The following PCDH15 variants were observed in gnomAD, a reference collection of about 807,000 sequenced individuals.
PCDH15 encodes protocadherin related 15, also known as protocadherin-15.
Under a neutral mutation model 178.5 loss-of-function variants are expected in PCDH15, and 129 were observed. That is an observed-to-expected ratio of 0.72 (90% confidence interval 0.63 to 0.84). The LOEUF is 0.84. Among genes scored for constraint, PCDH15 ranks in the 40% least tolerant of loss-of-function variants. The pLI, the probability that PCDH15 is intolerant of heterozygous loss-of-function variation, is 0.00. For missense variants in PCDH15, 2,230 were observed against 2,099.9 expected (o/e 1.06, Z -1.21); for synonymous variants, 800 against 732.0 (o/e 1.09, Z -1.50).
chr10:54,663,817 T>C (rs2094528899), intron 2 of PCDH15, among the ~76,000 whole-genome samples: 1 of 151,926 alleles, frequency 6.6e-6, no homozygotes, highest in Non-Finnish European at 1.5e-5. Flanking sequence ...TTTGTATTTC[T>C]AGCTTTGTTT....
chr10:54,014,211 G>C (rs1589915613), intron 20 of PCDH15, among the ~76,000 whole-genome samples: 1 of 152,136 alleles, frequency 6.6e-6, no homozygotes, highest in East Asian at 1.9e-4. Context: ...TCCCAAGTTT[G>C]TGTTAAAAAG....
At chr10:55,334,369 G>A (rs943697313) in intron 2 of PCDH15, among the ~76,000 whole-genome samples, 7 of 148,562 alleles carry the variant, frequency 4.7e-5, no homozygotes, top group East Asian at 2.0e-4. Flanking sequence ...GTGCAATGGC[G>A]TGATCTCGGC....
intron 15 of PCDH15, among the ~76,000 whole-genome samples, chr10:54,126,266 T>G (rs1254084788): frequency 6.6e-6 from 1 of 152,022 alleles, no homozygotes; most frequent in East Asian, 1.9e-4. Flanking sequence ...AGACAGGGAT[T>G]CACCATATTG....
chr10:55,203,448 A>G (rs1192679717), intron 1 of PCDH15, among the ~76,000 whole-genome samples: 1 of 152,044 alleles, frequency 6.6e-6, no homozygotes, highest in East Asian at 1.9e-4. Context: ...TTAAAGATAA[A>G]GGAAATGAAA....
At chr10:54,297,138 G>A (rs578150218) in intron 8 of PCDH15, among the ~76,000 whole-genome samples, 1 of 152,206 alleles carries the variant, frequency 6.6e-6, no homozygotes, top group East Asian at 1.9e-4. Flanking sequence ...GATCAGCAGG[G>A]TCCAGGGGCC....
At chr10:55,103,126 T>TC (rs959430638) in intron 2 of PCDH15, among the ~76,000 whole-genome samples, 2 of 150,700 alleles carry the variant, frequency 1.3e-5, no homozygotes, top group African/African-American at 4.9e-5. Flanking sequence ...TTTTTTTTTT[T>TC]GCTTTTCCAT....
chr10:55,442,392 G>C (rs1030384606), intron 2 of PCDH15, among the ~76,000 whole-genome samples: 2 of 144,980 alleles, frequency 1.4e-5, no homozygotes, highest in East Asian at 4.1e-4. Context: ...TACCAAAAAG[G>C]CAATGTTTAT....
chr10:54,809,135 C>A (rs575663028), intron 3 of PCDH15, among the ~76,000 whole-genome samples: 1 of 152,160 alleles, frequency 6.6e-6, no homozygotes, highest in East Asian at 1.9e-4. Flanking sequence ...AATTACTTAA[C>A]CATAGGGTAT....
chr10:54,351,707 G>A (rs1175960718), intron 5 of PCDH15, among the ~76,000 whole-genome samples: 10 of 152,080 alleles, frequency 6.6e-5, no homozygotes, highest in Admixed American at 6.5e-4. Flanking sequence ...CTGTTCAATT[G>A]CAACAGGATG....
intron 1 of PCDH15, among the ~76,000 whole-genome samples, chr10:54,769,321 C>CT (rs35099531): frequency 0.31 from 44,393 of 143,944 alleles, 6,867 homozygotes; most frequent in Middle Eastern, 0.35. Context: ...TACGCAATGC[C>CT]TTTTTTTTTT....
intron 2 of PCDH15, among the ~76,000 whole-genome samples, chr10:54,579,782 T>C (rs182404085): frequency 3.9e-5 from 6 of 151,934 alleles, no homozygotes; most frequent in African/African-American, 1.2e-4. Flanking sequence ...TCAACCATAC[T>C]CTTGAACCAC....
At chr10:54,406,320 G>GAAATAAAT (rs1163876926) in intron 3 of PCDH15, among the ~76,000 whole-genome samples, 1 of 151,408 alleles carries the variant, frequency 6.6e-6, no homozygotes, top group South Asian at 2.1e-4. Context: ...AAAAGCCACA[G>GAAATAAAT]AAATAAATAA....
At chr10:55,002,250 A>G (rs1839811333) in intron 2 of PCDH15, among the ~76,000 whole-genome samples, 1 of 152,240 alleles carries the variant, frequency 6.6e-6, no homozygotes, top group Non-Finnish European at 1.5e-5. Context: ...ATAGCTTAAA[A>G]GAAAATATTG....
intron 1 of PCDH15, among the ~76,000 whole-genome samples, chr10:54,712,168 C>T (rs1272497852): frequency 6.6e-6 from 1 of 151,700 alleles, no homozygotes; most frequent in Admixed American, 6.6e-5. Context: ...TTTTCCTTTA[C>T]TTAATCTTCA....
rs368023769 is a variant in PCDH15 at position 54,453,174 on chromosome 10, C to T, written c.158-74232G>A. Reference sequence around the variant, plus strand: ...TACTGGGTATATACCCAAAGGATTACAAAACATGCTGCTATAAAGACACAT... The same window carrying T: ...TACTGGGTATATACCCAAAGGATTATAAAACATGCTGCTATAAAGACACAT... On this transcript the variant is annotated intron_variant, in intron 3 of 37. Transcript: ENST00000644397. 6.5e-3 allele frequency among the ~76,000 whole-genome samples: 993 copies of T among 152,136 alleles called. 15 individuals are homozygous for T. The highest frequency in any genetic ancestry group is 0.023 in the African/African-American group (941 of 41,512).
chr10:53,958,535 A>G (rs1337589507), intron 23 of PCDH15, among the ~76,000 whole-genome samples: 1 of 152,110 alleles, frequency 6.6e-6, no homozygotes, highest in Non-Finnish European at 1.5e-5. Context: ...GTTTCCAGAG[A>G]TACCAGAGAG....
At chr10:54,275,246 GA>G (rs1475618311) in intron 8 of PCDH15, among the ~76,000 whole-genome samples, 1 of 151,738 alleles carries the variant, frequency 6.6e-6, no homozygotes, top group Non-Finnish European at 1.5e-5. Flanking sequence ...CAAAAATATG[GA>G]AACAGTGCTT....
At chr10:54,096,443 C>G (rs1159659575) in intron 15 of PCDH15, among the ~76,000 whole-genome samples, 1 of 151,960 alleles carries the variant, frequency 6.6e-6, no homozygotes, top group African/African-American at 2.4e-5. Context: ...CTGTTTTTTG[C>G]TCATTGTCAG....
chr10:55,437,145 A>T (rs899591566), intron 2 of PCDH15, among the ~76,000 whole-genome samples: 1 of 152,192 alleles, frequency 6.6e-6, no homozygotes, highest in Non-Finnish European at 1.5e-5. Context: ...AGCTACACAC[A>T]TCAACAGGAA....
Sources: gnomAD v4.1 joint callset for allele counts (sites outside exome capture counted in the v4.1 genomes callset) on GRCh38, gnomAD v4.1.1 for gene constraint, MANE v1.5 for transcripts, NCBI Gene and HGNC (gene_info 2026-07-23, HGNC 2026-07-21) for gene names.